The following KCNMA1 variants were observed in gnomAD, a reference collection of about 807,000 sequenced individuals.
KCNMA1 encodes the protein potassium calcium-activated channel subfamily M alpha 1, also known as Calcium-activated potassium channel subunit alpha-1.
In KCNMA1, 29 loss-of-function variants were observed where a neutral mutation model predicts 140.0. The observed-to-expected ratio is 0.21, with a 90% CI of 0.15 to 0.28. KCNMA1 has a LOEUF of 0.28. Among genes scored for constraint, KCNMA1 ranks in the 10% least tolerant of loss-of-function variants. The pLI is 1.00. For synonymous variants in KCNMA1, 612 were observed against 611.9 expected, an observed-to-expected ratio of 1.00 and a Z score of 0.00; for missense variants, 880 against 1,602.2, an observed-to-expected ratio of 0.55 and a Z score of 7.70.
At chr10:77,167,814 C>T (rs1323846973) in intron 5 of KCNMA1, among the ~76,000 whole-genome samples, 1 of 151,884 alleles carries the variant, frequency 6.6e-6, no homozygotes, top group Non-Finnish European at 1.5e-5. Context: ...CCCCAAATAG[C>T]AGGAACTTCA....
intron 2 of KCNMA1, among the ~76,000 whole-genome samples, chr10:77,333,382 GAGAA>G (rs1231574385): frequency 3.5e-4 from 42 of 120,250 alleles, no homozygotes; most frequent in African/African-American, 1.1e-3. Flanking sequence ...GAAAGAAAGA[GAGAA>G]AGAAAGAAAG....
intron 7 of KCNMA1, among the ~76,000 whole-genome samples, chr10:77,111,086 G>T (rs1201975758): frequency 6.6e-6 from 1 of 152,220 alleles, no homozygotes; most frequent in Non-Finnish European, 1.5e-5. Flanking sequence ...CAACAAATGG[G>T]TGTGGCTGGA....
At chr10:77,015,686 G>T (rs750346286) in intron 17 of KCNMA1, among the ~76,000 whole-genome samples, 12 of 151,982 alleles carry the variant, frequency 7.9e-5, no homozygotes, top group Admixed American at 6.5e-5. Flanking sequence ...CCCAAAACTT[G>T]CTCCTTCTCT....
At chr10:77,287,216 G>A (rs190822016) in intron 2 of KCNMA1, among the ~76,000 whole-genome samples, 63 of 152,296 alleles carry the variant, frequency 4.1e-4, no homozygotes, top group Non-Finnish European at 7.1e-4. Flanking sequence ...AGTCCTCTCC[G>A]TGCACTGAGA....
intron 14 of KCNMA1, among the ~76,000 whole-genome samples, chr10:77,067,460 C>A (rs1332896294): frequency 6.6e-6 from 1 of 152,148 alleles, no homozygotes; most frequent in Non-Finnish European, 1.5e-5. Flanking sequence ...TGGGCCAATT[C>A]TTTATAATCA....
rs932384002 is a variant in KCNMA1 at position 77,122,989 on chromosome 10, T to C, written c.809-1941A>G. On this transcript the variant is annotated intron_variant, in intron 5 of 27. Coordinates refer to ENST00000286628, the MANE Select transcript of KCNMA1 (RefSeq NM_001161352.2). ...GTCAGGAGATCGAGACCATCCTGGC[T>C]AACACAGTGAAACCCCGTCTCTACT... is the stretch of plus-strand genomic sequence containing the variant. 5.4e-5 allele frequency among the ~76,000 whole-genome samples: 8 copies of C among 149,478 alleles called. No individual in the cohort carries two copies. In the East Asian group the frequency reaches 1.4e-3, roughly 26 times the overall value.
chr10:77,373,617 C>A (rs534392913), intron 2 of KCNMA1: 1 of 152,054 alleles, frequency 6.6e-6, no homozygotes, highest in African/African-American at 2.4e-5. Flanking sequence ...TTTTTTTTAA[C>A]GAGGAGACAC....
chr10:77,567,395 C>A (rs758900299), intron 1 of KCNMA1, among the ~76,000 whole-genome samples: 7 of 152,180 alleles, frequency 4.6e-5, no homozygotes, highest in Non-Finnish European at 7.4e-5. Flanking sequence ...ACCTTTTAGC[C>A]GCCAGCCTCC....
chr10:77,601,464 A>G (rs886190022), intron 1 of KCNMA1, among the ~76,000 whole-genome samples: 1 of 152,230 alleles, frequency 6.6e-6, no homozygotes, highest in Non-Finnish European at 1.5e-5. Flanking sequence ...GATTCCGCCA[A>G]TCAAGCACAA....
At chr10:77,066,031 A>T (rs2095928086) in intron 14 of KCNMA1, among the ~76,000 whole-genome samples, 1 of 152,302 alleles carries the variant, frequency 6.6e-6, no homozygotes, top group African/African-American at 2.4e-5. Context: ...GGTTCCAGGG[A>T]CCTGACTGCT....
chr10:76,928,704 G>C (rs1379424438), intron 23 of KCNMA1, among the ~76,000 whole-genome samples: 1 of 152,106 alleles, frequency 6.6e-6, no homozygotes, highest in Non-Finnish European at 1.5e-5. Context: ...GATGATGTAA[G>C]GCATGCAATC....
At chr10:76,939,641 T>C (rs1372125303) in intron 23 of KCNMA1, 1 of 152,258 alleles carries the variant, frequency 6.6e-6, no homozygotes, top group Non-Finnish European at 1.5e-5. Flanking sequence ...GCCTGATGCA[T>C]GGAGAACAGC....
In KCNMA1 at chr10:77,154,313, G is replaced by A. The variant is rs2098458339; in HGVS notation, c.808+29108C>T. Among the ~76,000 whole-genome samples the A allele has an allele frequency of 1.3e-5, 2 of 152,054 alleles. 1 individual carries two copies. The highest frequency in any genetic ancestry group is 4.2e-4 in the South Asian group (2 of 4,810). On this transcript the variant is annotated intron_variant, in intron 5 of 27. Coordinates refer to ENST00000286628, the MANE Select transcript of KCNMA1 (RefSeq NM_001161352.2). ...ACCCGGTCTGGAGGATTCCTTCATAGTAGTGTAAGAATGGACTAATACCAC... is the reference window on the plus strand; with the variant it reads ...ACCCGGTCTGGAGGATTCCTTCATAATAGTGTAAGAATGGACTAATACCAC...
At chr10:77,421,872 T>G (rs2096873705) in intron 1 of KCNMA1, among the ~76,000 whole-genome samples, 1 of 152,204 alleles carries the variant, frequency 6.6e-6, no homozygotes, top group Admixed American at 6.5e-5. Context: ...AAAAATTCAC[T>G]GAATGCCTTG....
chr10:77,058,047 G>C (rs898615030), intron 14 of KCNMA1, among the ~76,000 whole-genome samples: 14 of 150,494 alleles, frequency 9.3e-5, no homozygotes, highest in Non-Finnish European at 1.8e-4. Context: ...GATAGGTTTG[G>C]TTCAAACAAA....
chr10:77,627,973 A>T (rs1278628603), intron 1 of KCNMA1, among the ~76,000 whole-genome samples: 2 of 151,932 alleles, frequency 1.3e-5, no homozygotes, highest in East Asian at 3.9e-4. Flanking sequence ...TAATCTACAA[A>T]CCTGAAGCCC....
At chr10:76,951,193 A>T (rs2066133797) in intron 21 of KCNMA1, among the ~76,000 whole-genome samples, 1 of 152,198 alleles carries the variant, frequency 6.6e-6, no homozygotes, top group South Asian at 2.1e-4. Flanking sequence ...TGACCCCAGG[A>T]ACTTCGATCT....
In KCNMA1 at chr10:77,211,216, A is replaced by G. The variant is rs145861663; in HGVS notation, c.603-26300T>C. Among the ~76,000 whole-genome samples the G allele has an allele frequency of 4.5e-4, 68 of 152,322 alleles. No homozygotes were observed. In the East Asian group the frequency reaches 0.012, roughly 27 times the overall value. ...CTGACTTCAAATATACTATAAGGCT[A>G]CAGTAACCAAAACAGCATGGTATTG... On this transcript the variant is annotated intron_variant, in intron 3 of 27. Coordinates refer to ENST00000286628, the MANE Select transcript of KCNMA1 (RefSeq NM_001161352.2).
At chr10:77,291,702 TA>T (rs2154311848) in intron 2 of KCNMA1, among the ~76,000 whole-genome samples, 1 of 152,094 alleles carries the variant, frequency 6.6e-6, no homozygotes, top group East Asian at 1.9e-4. Flanking sequence ...GGTCCTGGGA[TA>T]GGGGGCATCT....
Sources: gnomAD v4.1 joint callset for allele counts (sites outside exome capture counted in the v4.1 genomes callset) on GRCh38, gnomAD v4.1.1 for gene constraint, MANE v1.5 for transcripts, NCBI Gene and HGNC (gene_info 2026-07-23, HGNC 2026-07-21) for gene names.